PCDHGB5: variants seen among roughly 807,000 people sequenced by gnomAD.
PCDHGB5 encodes the protein protocadherin gamma-B5.
A neutral mutation model predicts 62.9 loss-of-function variants in PCDHGB5; 48 were observed. The ratio of observed to expected loss-of-function variants is 0.76; its 90% CI spans 0.61 to 0.97. The LOEUF (loss-of-function observed/expected upper bound fraction) is 0.97, where lower values mean the gene tolerates loss of function less well. Ranked by LOEUF, PCDHGB5 falls within the 50% of genes least tolerant of loss-of-function variation. The pLI is 0.00. For synonymous variants in PCDHGB5, 474 were observed against 511.2 expected (o/e 0.93, Z 0.98); for missense variants, 1,118 against 1,198.6 (o/e 0.93, Z 0.99).
At chr5:141,447,520 T>C (rs1156521785) in intron 1 of PCDHGB5, among the ~76,000 whole-genome samples, 1 of 152,202 alleles carries the variant, frequency 6.6e-6, no homozygotes, top group Non-Finnish European at 1.5e-5. Context: ...ATAACAATCA[T>C]AACAAAATTG....
chr5:141,415,585 C>G (rs1589974529), intron 1 of PCDHGB5: 5 of 1,613,900 alleles, frequency 3.1e-6, no homozygotes, highest in Non-Finnish European at 3.4e-6. Context: ...TTCGAAGTTT[C>G]CTATAGAGGA....
At position 141,476,030 on chromosome 5, in the gene PCDHGB5, G is replaced by A; in HGVS notation, c.2398-18777G>A. On this transcript the variant is annotated intron_variant, in intron 1 of 3. Coordinates refer to ENST00000617380, the MANE Select transcript of PCDHGB5 (RefSeq NM_018925.3). This position sits in a 1 kb window ranked among gnomAD's most constrained non-coding sequence, Gnocchi z 7.6. ...AAAGCCATGTCGGACTCGGCGCCCA[G>A]CGCCCAAGCGCTAACCCGCTGAAAG... 2.7e-6 allele frequency: 4 copies of A among 1,459,176 alleles called. No individual in the cohort carries two copies. The highest frequency in any genetic ancestry group is 3.6e-6 in the Non-Finnish European group (4 of 1,096,658). The allele number at this position is 1,459,176 out of a possible 1,614,324, so 90.4% of individuals were successfully genotyped here. A position where few individuals can be genotyped will look rare whatever the true frequency, so the allele number is the denominator to read the frequency against.
At chr5:141,412,980 A>G (rs2095595071) in intron 1 of PCDHGB5, 2 of 543,674 alleles carry the variant, frequency 3.7e-6, no homozygotes, top group Non-Finnish European at 6.3e-6. Flanking sequence ...AAACGCAGCC[A>G]GAGCTCAATC....
intron 2 of PCDHGB5, among the ~76,000 whole-genome samples, chr5:141,503,595 G>T (rs6892628): frequency 0.52 from 72,995 of 139,870 alleles, 19,322 homozygotes; most frequent in African/African-American, 0.64. Flanking sequence ...CGAGACTCCA[G>T]CTCAAAAAAA....
intron 1 of PCDHGB5, chr5:141,415,551 C>A (rs745641887): frequency 5.6e-6 from 9 of 1,614,014 alleles, no homozygotes; most frequent in Non-Finnish European, 7.6e-6. Context: ...GTGAGAAAAA[C>A]GATCCTTTGT....
rs922042985 is a variant in PCDHGB5, at chr5:141,415,768, T to G, written c.2397+15244T>G. 1.6e-5 allele frequency: 22 copies of G among 1,345,224 alleles called. No homozygotes were observed. The African/African-American group carries it at 3.6e-4, about 22-fold the overall frequency. The allele number at this position is 1,345,224 out of a possible 1,614,324, so 83.3% of individuals were successfully genotyped here. ...TTTTTTTTTTTTTTTTTTTTTTTTT[T>G]TTTTACTTTCTGGTAAAATTCACCT... is the stretch of plus-strand genomic sequence containing the variant. On this transcript the variant is annotated intron_variant, in intron 1 of 3. Coordinates refer to ENST00000617380, the MANE Select transcript of PCDHGB5 (RefSeq NM_018925.3).
At chr5:141,433,349 T>C in intron 1 of PCDHGB5, 1 of 616,610 alleles carries the variant, frequency 1.6e-6, no homozygotes, top group East Asian at 2.8e-5. Flanking sequence ...GCAAGCCACC[T>C]ACTGTCTGCC....
chr5:141,472,159 A>G (rs1020175900), intron 1 of PCDHGB5, among the ~76,000 whole-genome samples: 1 of 152,246 alleles, frequency 6.6e-6, no homozygotes, highest in Non-Finnish European at 1.5e-5. Context: ...TTACATAGCT[A>G]CTAGGTGTAA....
At position 141,400,234 on chromosome 5, in the gene PCDHGB5, G is replaced by T. The variant is rs749957043; in HGVS notation, c.2107G>T (p.Val703Leu). The T allele has an allele frequency of 3.7e-6, 6 of 1,613,868 alleles. No individual in the cohort carries two copies. The highest frequency in any genetic ancestry group is 1.3e-5 in the African/African-American group (1 of 74,916). Residue 703 changes from valine (V) to leucine (L), a missense_variant, in exon 1 of 4, where the codon GTG becomes TTG. Physicochemically the swap from Val to Leu is conservative, Grantham distance 32. This residue lies in a region of PCDHGB5 where 1,034 missense variants were observed against 1,029.1 expected (regional missense o/e 1.00). Coordinates refer to ENST00000617380, the MANE Select transcript of PCDHGB5 (RefSeq NM_018925.3). ...ALISVLFLLA[V>L]ILAVALRLRR... Reference sequence around the variant, plus strand: ...GATCTCAGTGCTCTTCCTCCTGGCCGTGATTCTGGCCGTTGCCTTGCGCCT... The same window carrying T: ...GATCTCAGTGCTCTTCCTCCTGGCCTTGATTCTGGCCGTTGCCTTGCGCCT...
At position 141,431,192 on chromosome 5, in the gene PCDHGB5, A is replaced by T. The variant is rs769745353; in HGVS notation, c.2397+30668A>T. 8.7e-6 allele frequency: 14 copies of T among 1,614,042 alleles called. No homozygotes were observed. Among genetic ancestry groups the T allele is most frequent in the African/African-American group, 2.7e-5 (2 of 74,912 alleles). On this transcript the variant is annotated intron_variant, in intron 1 of 3. Coordinates refer to ENST00000617380, the MANE Select transcript of PCDHGB5 (RefSeq NM_018925.3). This position sits in a 1 kb window ranked among gnomAD's most constrained non-coding sequence, Gnocchi z 4.8. ...TGAATTAGAAATAAAAATTAGTGAA[A>T]ATGCAGCCACTGAGATGCGGTTCCC...
intron 1 of PCDHGB5, chr5:141,409,901 C>T (rs1157563397): frequency 6.2e-7 from 1 of 1,613,264 alleles, no homozygotes; most frequent in East Asian, 2.2e-5. Flanking sequence ...GTACCCAGCT[C>T]TGGGTCCTGA....
chr5:141,495,107 A>G (rs559621284), intron 2 of PCDHGB5, among the ~76,000 whole-genome samples: 1 of 152,166 alleles, frequency 6.6e-6, no homozygotes, highest in East Asian at 1.9e-4. Flanking sequence ...CACGACCGGC[A>G]CCTTTTCCTA....
intron 1 of PCDHGB5, among the ~76,000 whole-genome samples, chr5:141,442,926 T>C (rs2098353621): frequency 6.6e-6 from 1 of 152,240 alleles, no homozygotes; most frequent in African/African-American, 2.4e-5. Flanking sequence ...TGTTTCATTT[T>C]CTATTTAAGA....
Position 141,399,958 on chromosome 5 carries a change from G to A in PCDHGB5, c.1831G>A (p.Gly611Arg), listed in dbSNP as rs2093927763. The stretch of plus-strand genomic sequence containing the variant: ...CCACGTGCTGCAGGCTAGCGAGCCC[G>A]GGCTCTTCAGCCTGGGGCTGCGCAC... ...SYHVLQASEP[G>R]LFSLGLRTGE... Residue 611 changes from glycine to arginine, a missense_variant, in exon 1 of 4, where the codon GGG (glycine) becomes AGG (arginine). This residue lies in a region of PCDHGB5 where 1,034 missense variants were observed against 1,029.1 expected (regional missense o/e 1.00). Transcript: ENST00000617380. 5 of 1,612,004 alleles carry A rather than the reference G, an allele frequency of 3.1e-6. No homozygotes were observed. Among genetic ancestry groups the A allele is most frequent in the Non-Finnish European group, 4.2e-6 (5 of 1,179,694 alleles).
At chr5:141,495,605 T>G (rs1201224193) in intron 2 of PCDHGB5, among the ~76,000 whole-genome samples, 2 of 152,228 alleles carry the variant, frequency 1.3e-5, no homozygotes, top group African/African-American at 2.4e-5. Context: ...GCTTCCGTCT[T>G]GATTGCTGCA....
intron 1 of PCDHGB5, chr5:141,402,809 C>A: frequency 4.9e-6 from 6 of 1,214,046 alleles, no homozygotes; most frequent in Non-Finnish European, 6.6e-6. Flanking sequence ...CCGGCAGATA[C>A]CACAAACCTG....
chr5:141,413,747 A>G (rs1208637349), intron 1 of PCDHGB5: 7 of 1,613,230 alleles, frequency 4.3e-6, no homozygotes, highest in African/African-American at 4.0e-5. Flanking sequence ...AGCCGTGCCA[A>G]TGGCGTCAAG....
Position 141,399,669 on chromosome 5 carries a change from C to T in PCDHGB5, c.1542C>T (p.Arg514=), listed in dbSNP as rs2093861369. 1.9e-6 allele frequency: 3 copies of T among 1,613,524 alleles called. No individual in the cohort carries two copies. The African/African-American group carries it at 4.0e-5, about 22-fold the overall frequency. The change falls in exon 1 of 4, where the codon CGC becomes CGT. Residue 514 remains arginine (R), a synonymous_variant. Coordinates refer to ENST00000617380, the MANE Select transcript of PCDHGB5 (RefSeq NM_018925.3). ...SAQSGVVFAQ[R]AFDYEQLRTF... is the part of the protein sequence containing the mutation. ...AAAGTGGGGTGGTGTTCGCGCAGCG[C>T]GCCTTTGACTACGAGCAGCTGCGCA...
intron 1 of PCDHGB5, chr5:141,421,835 G>T: frequency 6.2e-7 from 1 of 1,613,746 alleles, no homozygotes. Flanking sequence ...AGCCTGGACC[G>T]AGAGAAAGAG....
Sources: allele counts gnomAD v4.1 joint callset (sites outside exome capture counted in the v4.1 genomes callset), GRCh38; gene constraint gnomAD v4.1.1; regional missense constraint gnomAD v4.1.1; non-coding constraint Gnocchi (gnomAD v3.1); transcripts MANE v1.5; gene names NCBI Gene and HGNC (gene_info 2026-07-23, HGNC 2026-07-21).